TBC1D19: variants seen among roughly 807,000 people sequenced by gnomAD.
The protein encoded by TBC1D19 is TBC1 domain family, member 19.
A neutral mutation model predicts 89.0 loss-of-function variants in TBC1D19; 60 were observed. The ratio of observed to expected loss-of-function variants is 0.67; its 90% CI spans 0.55 to 0.84. The LOEUF is 0.84. TBC1D19 is among the 40% of genes least tolerant of loss of function. The pLI, the probability that TBC1D19 is intolerant of heterozygous loss-of-function variation, is 0.00. For synonymous variants in TBC1D19, 189 were observed against 199.7 expected (o/e 0.95, Z 0.45); for missense variants, 500 against 610.8 (o/e 0.82, Z 1.91).
chr4:26,843,753 T>C, the TBC1D19 span, among the ~76,000 whole-genome samples: 1 of 152,128 alleles, frequency 6.6e-6, no homozygotes, highest in Non-Finnish European at 1.5e-5. Flanking sequence ...GAGGTTTAAT[T>C]GAATCATGAT....
the TBC1D19 span, among the ~76,000 whole-genome samples, chr4:26,786,753 C>CTGGATGGATGGA: frequency 4.3e-4 from 37 of 85,764 alleles, no homozygotes; most frequent in African/African-American, 1.2e-3. Flanking sequence ...GGGTGGATGC[C>CTGGATGGATGGA]TGGATGGATG....
intron 18 of TBC1D19, 142 bp downstream of exon 18, chr4:26,742,741 A>G (rs1250742205): frequency 3.8e-6 from 2 of 529,400 alleles, no homozygotes; most frequent in African/African-American, 1.9e-5. Context: ...ATTATCAATT[A>G]GTAAATTGTA....
chr4:26,653,952 C>A (rs1166441959), intron 7 of TBC1D19, among the ~76,000 whole-genome samples: 3 of 152,306 alleles, frequency 2.0e-5, no homozygotes, highest in Middle Eastern at 6.8e-3. Context: ...TTAGTTGATG[C>A]AGTTTCTTCC....
At chr4:26,700,055 AAAG>A in intron 13 of TBC1D19, among the ~76,000 whole-genome samples, 1 of 152,036 alleles carries the variant, frequency 6.6e-6, no homozygotes, top group Admixed American at 6.6e-5. Context: ...AAAGAAAAAA[AAAG>A]AAATTATGTC....
At chr4:26,802,514 G>C in the TBC1D19 span, among the ~76,000 whole-genome samples, 1 of 152,070 alleles carries the variant, frequency 6.6e-6, no homozygotes, top group Admixed American at 6.6e-5. Flanking sequence ...AGGCACAAGA[G>C]TTGCTTGAAC....
At chr4:26,605,261 T>A (rs375425771) in intron 1 of TBC1D19, among the ~76,000 whole-genome samples, 1 of 139,500 alleles carries the variant, frequency 7.2e-6, no homozygotes, top group African/African-American at 2.7e-5. Flanking sequence ...TGTCCATGTG[T>A]TCTCATTGTT....
chr4:26,661,852 C>T (rs765992017), intron 8 of TBC1D19, among the ~76,000 whole-genome samples: 16 of 152,164 alleles, frequency 1.1e-4, no homozygotes, highest in Admixed American at 8.5e-4. Flanking sequence ...GGAAGGTATG[C>T]AACTGAAAAT....
upstream of TBC1D19, among the ~76,000 whole-genome samples, chr4:26,581,771 G>T (rs1480594416): frequency 1.3e-5 from 2 of 152,082 alleles, no homozygotes; most frequent in African/African-American, 4.8e-5. Context: ...ATTCCTTTGG[G>T]ACTGAAATTT....
the TBC1D19 span, among the ~76,000 whole-genome samples, chr4:26,790,488 G>A: frequency 1.3e-5 from 2 of 152,202 alleles, no homozygotes; most frequent in Non-Finnish European, 2.9e-5. Context: ...CTAGAATAGT[G>A]TCTGGAACAT....
the TBC1D19 span, among the ~76,000 whole-genome samples, chr4:26,824,583 A>T: frequency 2.0e-5 from 3 of 152,202 alleles, no homozygotes; most frequent in African/African-American, 7.2e-5. Context: ...TCGTATGCAT[A>T]TTTATGAACT....
chr4:26,821,250 A>AT, the TBC1D19 span, among the ~76,000 whole-genome samples: 4 of 152,126 alleles, frequency 2.6e-5, no homozygotes, highest in Admixed American at 1.3e-4. Flanking sequence ...TTTGGCTGAG[A>AT]TTTTTTCAAA....
At chr4:26,770,186 G>A in the TBC1D19 span, among the ~76,000 whole-genome samples, 1 of 152,002 alleles carries the variant, frequency 6.6e-6, no homozygotes, top group East Asian at 1.9e-4. Context: ...TAAAAAAGAT[G>A]AGACCTACCT....
Position 26,755,096 on chromosome 4 carries a change from A to G in TBC1D19, c.*149A>G. On this transcript the variant is annotated 3_prime_UTR_variant, in exon 21 of 21. Transcript: ENST00000264866. ...TTCAGTTAAACCTAAGTAGTTTCTC[A>G]CTTTTTGAAACAATAACTCTGCACC... 1 of 551,756 alleles carries G rather than the reference A, an allele frequency of 1.8e-6. No homozygotes were observed. Among genetic ancestry groups the G allele is most frequent in the South Asian group, 3.3e-5 (1 of 30,424 alleles). The allele number at this position is 551,756 out of a possible 1,614,324, so 34.2% of individuals were successfully genotyped here.
At chr4:26,842,574 T>TCCTC in the TBC1D19 span, among the ~76,000 whole-genome samples, 92 of 118,142 alleles carry the variant, frequency 7.8e-4, no homozygotes, top group East Asian at 6.2e-3. Context: ...TCCTTTTCCT[T>TCCTC]CCTCCCTCCC....
At chr4:26,748,903 A>G (rs1014436563) in intron 19 of TBC1D19, among the ~76,000 whole-genome samples, 1 of 152,128 alleles carries the variant, frequency 6.6e-6, no homozygotes. Flanking sequence ...AGTCTGTTCT[A>G]TGCCCCATCT....
rs138289348 is a variant in TBC1D19, at chr4:26,604,974, T to G, written c.100-8195T>G. On this transcript the variant is annotated intron_variant, in intron 1 of 20. Transcript: ENST00000264866. Reference sequence around the variant, plus strand: ...TGTTTTCATTTCTTTGGCTATGTACTCAAAAGTGGAATAATTACTGAATCA... The same window carrying G: ...TGTTTTCATTTCTTTGGCTATGTACGCAAAAGTGGAATAATTACTGAATCA... Among the ~76,000 whole-genome samples, 49 of 152,208 alleles carry G rather than the reference T, an allele frequency of 3.2e-4. No homozygotes were observed. In the East Asian group the frequency reaches 9.5e-3, roughly 29 times the overall value.
rs77232898 is a variant in TBC1D19 at position 26,722,569 on chromosome 4, A to C, written c.1084+2444A>C. Among the ~76,000 whole-genome samples the C allele has an allele frequency of 6.4e-3, 974 of 152,296 alleles. 9 individuals carry two copies. Among genetic ancestry groups the C allele is most frequent in the African/African-American group, 0.022 (933 of 41,560 alleles). On this transcript the variant is annotated intron_variant, in intron 15 of 20. Transcript: ENST00000264866. ...GCGTATTAGACCACTCCAGCAAATCAGTCTGGGGCCATTTTATGTAAAAGC... is the reference window on the plus strand; with the variant it reads ...GCGTATTAGACCACTCCAGCAAATCCGTCTGGGGCCATTTTATGTAAAAGC...
chr4:26,588,483 T>G (rs1739567924), intron 1 of TBC1D19, among the ~76,000 whole-genome samples: 1 of 152,190 alleles, frequency 6.6e-6, no homozygotes, highest in Non-Finnish European at 1.5e-5. Flanking sequence ...AATTTGCATT[T>G]TTAAAGCTAT....
At chr4:26,803,413 G>C in the TBC1D19 span, among the ~76,000 whole-genome samples, 1 of 152,164 alleles carries the variant, frequency 6.6e-6, no homozygotes, top group African/African-American at 2.4e-5. Context: ...CCCATGGCTT[G>C]AATCGGAACC....
Sources: allele counts gnomAD v4.1 joint callset (sites outside exome capture counted in the v4.1 genomes callset), GRCh38; gene constraint gnomAD v4.1.1; transcripts MANE v1.5; gene names NCBI Gene and HGNC (gene_info 2026-07-23, HGNC 2026-07-21).